KCNH7: variants seen among roughly 807,000 people sequenced by gnomAD.
KCNH7 encodes the protein voltage-gated inwardly rectifying potassium channel KCNH7.
A neutral mutation model predicts 120.8 loss-of-function variants in KCNH7; 49 were observed. The ratio of observed to expected loss-of-function variants is 0.41; its 90% confidence interval spans 0.32 to 0.51. The LOEUF (loss-of-function observed/expected upper bound fraction) is 0.51, where lower values mean the gene tolerates loss of function less well. Ranked by LOEUF, KCNH7 falls within the 20% of genes least tolerant of loss-of-function variation. KCNH7 has a pLI of 0.38. For missense variants in KCNH7, 1,097 were observed against 1,446.6 expected, an observed-to-expected ratio of 0.76 and a Z score of 3.92; for synonymous variants, 547 against 516.1, an observed-to-expected ratio of 1.06 and a Z score of -0.81.
rs577258760 is a variant in KCNH7, at chr2:162,501,498, T to C, written c.1128+2945A>G. On this transcript the variant is annotated intron_variant, in intron 6 of 15. Transcript: ENST00000332142. ...GGCCTCAGATTCACTCAGTGGTAAG[T>C]AGTCATCTTAGTCCATTTGGGCTGC... 2.7e-4 allele frequency among the ~76,000 whole-genome samples: 41 copies of C among 152,170 alleles called. 1 individual carries two copies. The highest frequency in any genetic ancestry group is 9.9e-4 in the African/African-American group (41 of 41,552).
At chr2:162,579,737 C>T (rs1574129065) in intron 2 of KCNH7, among the ~76,000 whole-genome samples, 1 of 151,962 alleles carries the variant, frequency 6.6e-6, no homozygotes, top group South Asian at 2.1e-4. Context: ...ATAATGGCAA[C>T]AGAAGCAGTT....
At chr2:162,803,203 A>G (rs1218696688) in intron 2 of KCNH7, among the ~76,000 whole-genome samples, 1 of 151,806 alleles carries the variant, frequency 6.6e-6, no homozygotes, top group Non-Finnish European at 1.5e-5. Flanking sequence ...CAGAAGGGGA[A>G]TATTTTAATT....
intron 2 of KCNH7, among the ~76,000 whole-genome samples, chr2:162,656,408 C>T (rs1405832910): frequency 6.6e-6 from 1 of 152,172 alleles, no homozygotes; most frequent in Non-Finnish European, 1.5e-5. Flanking sequence ...GTCTCAAATT[C>T]AGTTTTCTGT....
chr2:162,837,949 C>G (rs1274826337), intron 1 of KCNH7, among the ~76,000 whole-genome samples: 1 of 152,168 alleles, frequency 6.6e-6, no homozygotes, highest in East Asian at 1.9e-4. Flanking sequence ...AATTTAGCTT[C>G]TATAAATTAA....
intron 2 of KCNH7, among the ~76,000 whole-genome samples, chr2:162,659,343 CTTTT>C (rs35576044): frequency 1.4e-5 from 2 of 138,378 alleles, no homozygotes; most frequent in Non-Finnish European, 1.6e-5. Flanking sequence ...GCATATAATT[CTTTT>C]TTTTTTTTTT....
intron 9 of KCNH7, among the ~76,000 whole-genome samples, chr2:162,420,978 G>T (rs1193513835): frequency 6.6e-6 from 1 of 152,002 alleles, no homozygotes; most frequent in African/African-American, 2.4e-5. Context: ...TAAGGCTACA[G>T]TTGCTTTTTC....
intron 8 of KCNH7, among the ~76,000 whole-genome samples, chr2:162,428,477 G>A (rs942040067): frequency 5.9e-5 from 9 of 151,746 alleles, no homozygotes; most frequent in Non-Finnish European, 1.0e-4. Context: ...ACTGGTAAAT[G>A]TTCCATACAT....
At chr2:162,832,390 A>C (rs1159583204) in intron 2 of KCNH7, among the ~76,000 whole-genome samples, 2 of 152,170 alleles carry the variant, frequency 1.3e-5, no homozygotes, top group Non-Finnish European at 2.9e-5. Context: ...AATTTTAACT[A>C]AACTTCATTG....
Position 162,383,080 on chromosome 2 carries a change from G to A in KCNH7, c.2962+1608C>T, listed in dbSNP as rs77951809. On this transcript the variant is annotated intron_variant, in intron 13 of 15. Coordinates refer to ENST00000332142, the MANE Select transcript of KCNH7 (RefSeq NM_033272.4). ...TAGCAAAGAAAAGTATATGAAGAAG[G>A]GCATGAGAATTCATTGTCAGTGAGA... Among the ~76,000 whole-genome samples, 498 of 151,766 alleles carry A rather than the reference G, an allele frequency of 3.3e-3. 6 individuals carry two copies. In the East Asian group the frequency reaches 0.038, roughly 12 times the overall value.
chr2:162,528,511 C>A (rs1349241168), intron 3 of KCNH7, among the ~76,000 whole-genome samples: 1 of 151,874 alleles, frequency 6.6e-6, no homozygotes, highest in Non-Finnish European at 1.5e-5. Flanking sequence ...AGAGGGGACA[C>A]CACATGATAC....
intron 12 of KCNH7, among the ~76,000 whole-genome samples, chr2:162,388,009 C>A (rs1686624953): frequency 6.6e-6 from 1 of 151,590 alleles, no homozygotes; most frequent in African/African-American, 2.4e-5. Context: ...CCACTGCTGA[C>A]AAGAAATAAG....
chr2:162,404,652 C>T (rs925323809), intron 9 of KCNH7, among the ~76,000 whole-genome samples: 3 of 151,944 alleles, frequency 2.0e-5, no homozygotes, highest in Non-Finnish European at 2.9e-5. Context: ...CTGCCATGAC[C>T]GTAAGTTCCT....
intron 2 of KCNH7, among the ~76,000 whole-genome samples, chr2:162,761,602 C>T (rs1292963753): frequency 6.6e-6 from 1 of 152,034 alleles, no homozygotes; most frequent in Non-Finnish European, 1.5e-5. Flanking sequence ...CATTATACAC[C>T]ACATATTACA....
intron 8 of KCNH7, among the ~76,000 whole-genome samples, chr2:162,433,924 T>G (rs897313529): frequency 6.6e-6 from 1 of 152,014 alleles, no homozygotes; most frequent in African/African-American, 2.4e-5. Context: ...AAGACACATG[T>G]ACTTATATGT....
At chr2:162,697,307 T>G (rs759471040) in intron 2 of KCNH7, among the ~76,000 whole-genome samples, 1 of 152,100 alleles carries the variant, frequency 6.6e-6, no homozygotes, top group Non-Finnish European at 1.5e-5. Context: ...ACCAAAAGTG[T>G]GCAATCAGCA....
At chr2:162,385,066 G>A in intron 12 of KCNH7, 127 bp from the exon 13 acceptor site, 1 of 632,940 alleles carries the variant, frequency 1.6e-6, no homozygotes. Context: ...TAGCTACTTG[G>A]GTACTCAATT....
chr2:162,509,620 C>T (rs573542976), intron 5 of KCNH7, among the ~76,000 whole-genome samples: 26 of 151,554 alleles, frequency 1.7e-4, no homozygotes, highest in Non-Finnish European at 3.7e-4. Context: ...TTCATATTAT[C>T]TGTTTCAGTG....
intron 2 of KCNH7, among the ~76,000 whole-genome samples, chr2:162,587,915 C>T (rs1028340648): frequency 6.6e-6 from 1 of 152,034 alleles, no homozygotes; most frequent in African/African-American, 2.4e-5. Flanking sequence ...AAGCTAACAG[C>T]CGACATACCT....
intron 5 of KCNH7, among the ~76,000 whole-genome samples, chr2:162,506,670 T>G (rs2105759006): frequency 6.6e-6 from 1 of 151,832 alleles, no homozygotes; most frequent in Admixed American, 6.6e-5. Flanking sequence ...GTCCACAGAG[T>G]TATTTAAAAT....
Sources: gnomAD v4.1 joint callset for allele counts (sites outside exome capture counted in the v4.1 genomes callset) on GRCh38, gnomAD v4.1.1 for gene constraint, MANE v1.5 for transcripts, NCBI Gene and HGNC (gene_info 2026-07-23, HGNC 2026-07-21) for gene names.